TC2N: variants seen among roughly 807,000 people sequenced by gnomAD.
TC2N encodes the protein tandem C2 domains nuclear protein.
A neutral mutation model predicts 61.9 loss-of-function variants in TC2N; 51 were observed. That is an observed-to-expected ratio of 0.82 (90% CI 0.66 to 1.04). TC2N has a LOEUF of 1.04. Among genes scored for constraint, TC2N ranks in the 50% least tolerant of loss-of-function variants. The pLI, the probability that TC2N is intolerant of heterozygous loss-of-function variation, is 0.00. For synonymous variants in TC2N, 204 were observed against 192.6 expected (o/e 1.06, Z -0.49); for missense variants, 556 against 566.7 (o/e 0.98, Z 0.19).
In TC2N at chr14:91,783,214, T is replaced by TA. The variant is rs1885208985; in HGVS notation, c.1363-5dup. 1 of 1,509,982 alleles carries TA rather than the reference T, an allele frequency of 6.6e-7. No individual in the cohort carries two copies. The highest frequency in any genetic ancestry group is 9.2e-7 in the Non-Finnish European group (1 of 1,087,898). The allele number at this position is 1,509,982 out of a possible 1,614,324, so 93.5% of individuals were successfully genotyped here. ...TACTGTCTTCACTTATCCAAATCTG[T>TA]AAAGGAAAGTATGTACAATCATTTA... On this transcript the variant is annotated splice_region_variant and splice_polypyrimidine_tract_variant and intron_variant, in intron 11 of 11. Coordinates refer to ENST00000435962, the MANE Select transcript of TC2N (RefSeq NM_001128596.3).
At chr14:91,831,724 T>G (rs185021757) in intron 1 of TC2N, among the ~76,000 whole-genome samples, 1 of 152,266 alleles carries the variant, frequency 6.6e-6, no homozygotes, top group African/African-American at 2.4e-5. Context: ...CTACATGGAT[T>G]AAGGACACAA....
In TC2N at chr14:91,780,486, T is replaced by C. The variant is rs538423372; in HGVS notation, c.*2614A>G. The C allele has an allele frequency of 6.6e-6, 1 of 152,360 alleles. No individual in the cohort carries two copies. The highest frequency in any genetic ancestry group is 1.9e-4 in the East Asian group (1 of 5,196). The allele number at this position is 152,360 out of a possible 1,614,324, so 9.4% of individuals were successfully genotyped here. On this transcript the variant is annotated 3_prime_UTR_variant, in exon 12 of 12. Transcript: ENST00000435962. ...TCAGAGGCCATTTCCCTAGGAGTAC[T>C]GCTTTTAAAAATCATGCAAAACAAA...
At chr14:91,829,208 C>A (rs1455777202) in intron 1 of TC2N, among the ~76,000 whole-genome samples, 1 of 151,956 alleles carries the variant, frequency 6.6e-6, no homozygotes, top group Non-Finnish European at 1.5e-5. Context: ...TGGTGTCTTT[C>A]CTCAGTACTG....
At chr14:91,854,932 A>T (rs1888453805) in intron 1 of TC2N, among the ~76,000 whole-genome samples, 1 of 152,202 alleles carries the variant, frequency 6.6e-6, no homozygotes, top group African/African-American at 2.4e-5. Flanking sequence ...TTCTGAGAGG[A>T]GGCTGCTATT....
intron 8 of TC2N, among the ~76,000 whole-genome samples, chr14:91,793,893 A>C: frequency 6.6e-6 from 1 of 152,222 alleles, no homozygotes; most frequent in Non-Finnish European, 1.5e-5. Context: ...TTAGTGAGGA[A>C]GCTATGCTGA....
Position 91,812,366 on chromosome 14 carries a change from A to T in TC2N, c.247T>A (p.Ser83Thr), listed in dbSNP as rs1886813901. The change falls in exon 3 of 12, where the codon TCT becomes ACT. Residue 83 changes from serine to threonine, a missense_variant. Physicochemically the swap from Ser to Thr is moderately conservative, Grantham distance 58 (BLOSUM62 1). Coordinates refer to ENST00000435962, the MANE Select transcript of TC2N (RefSeq NM_001128596.3). ...TCTTGTGTCCTGGGTTGAATGTAAG[A>T]TAACTTAAACTTGGGCACCACAAAT... ...VPFVVPKFKL[S>T]YIQPRTQETP... 6.2e-7 allele frequency: 1 copy of T among 1,612,688 alleles called. No homozygotes were observed. Among genetic ancestry groups the T allele is most frequent in the Non-Finnish European group, 8.5e-7 (1 of 1,179,092 alleles).
intron 1 of TC2N, among the ~76,000 whole-genome samples, chr14:91,856,100 G>A (rs1448558458): frequency 2.0e-5 from 3 of 152,132 alleles, no homozygotes; most frequent in Non-Finnish European, 4.4e-5. Context: ...AGACAGATGA[G>A]TTTTTGAAGA....
intron 1 of TC2N, among the ~76,000 whole-genome samples, chr14:91,827,422 T>C (rs1483084938): frequency 6.6e-6 from 1 of 152,200 alleles, no homozygotes; most frequent in East Asian, 1.9e-4. Context: ...AGAAGAAACC[T>C]GCATTCCTTG....
rs530321082 is a variant in TC2N at position 91,798,284 on chromosome 14, A to G, written c.738+15T>C. 4 of 1,323,776 alleles carry G rather than the reference A, an allele frequency of 3.0e-6. No homozygotes were observed. The East Asian group carries it at 7.2e-5, about 24-fold the overall frequency. The allele number at this position is 1,323,776 out of a possible 1,614,324, so 82.0% of individuals were successfully genotyped here. A position where few individuals can be genotyped will look rare whatever the true frequency, so the allele number is the denominator to read the frequency against. On this transcript the variant is annotated intron_variant, in intron 7 of 11. Transcript: ENST00000435962. ...AATTTTGTAATAAAAGCTGGTATTA[A>G]CTATACTAATTTACCTGTAAAACTG... is the stretch of plus-strand genomic sequence containing the variant.
Position 91,812,440 on chromosome 14 carries a change from G to A in TC2N, c.173C>T (p.Thr58Ile). 4 of 1,612,038 alleles carry A rather than the reference G, an allele frequency of 2.5e-6. No homozygotes were observed. The highest frequency in any genetic ancestry group is 3.4e-6 in the Non-Finnish European group (4 of 1,178,570). ...TAATTTGGAAAGCAAATAATCCTCA[G>A]TACAGCCAAGCTGAGGCTTTACAGA... is the stretch of plus-strand genomic sequence containing the variant. The part of the protein sequence containing the change: ...SVSVKPQLGC[T>I]EDYLLSKLPS... Residue 58 changes from threonine (T) to isoleucine (I), a missense_variant, in exon 3 of 12, where the codon ACT becomes ATT. Coordinates refer to ENST00000435962, the MANE Select transcript of TC2N (RefSeq NM_001128596.3).
chr14:91,862,669 G>A (rs550927333), intron 1 of TC2N, among the ~76,000 whole-genome samples: 11 of 152,316 alleles, frequency 7.2e-5, no homozygotes, highest in African/African-American at 9.6e-5. Context: ...TCCTCCCTGC[G>A]GCCTGCCCCA....
At chr14:91,840,899 TGA>T (rs1374480513) in intron 1 of TC2N, among the ~76,000 whole-genome samples, 1 of 152,092 alleles carries the variant, frequency 6.6e-6, no homozygotes, top group East Asian at 1.9e-4. Flanking sequence ...GAACTAATCA[TGA>T]GAGTCTCATT....
rs376362787 is a variant in TC2N at position 91,792,552 on chromosome 14, C to A, written c.862G>T (p.Glu288Ter). Reference protein sequence around the residue: ...SSAKEGSNAIEFMETFVFAIK... With the variant: ...SSAKEGSNAI ...GCAAATACAAACGTTTCCATAAATT[C>A]AATAGCCTTAAAAAAAAAACAAGAA... Residue 288 changes from glutamate to a stop codon, truncating the protein, a stop_gained, in exon 9 of 12, where the codon GAA becomes TAA. Transcript: ENST00000435962. LOFTEE classifies it high-confidence loss of function. The A allele has an allele frequency of 2.4e-5, 35 of 1,483,560 alleles. No individual in the cohort carries two copies. Among genetic ancestry groups the A allele is most frequent in the Non-Finnish European group, 3.1e-5 (34 of 1,096,266 alleles). 91.9% of individuals were successfully genotyped at this position (1,483,560 alleles called of 1,614,324 possible). A position where few individuals can be genotyped will look rare whatever the true frequency, so the allele number is the denominator to read the frequency against.
At chr14:91,783,403 C>T (rs1454587454) in intron 11 of TC2N, among the ~76,000 whole-genome samples, 193 bp from the exon 12 acceptor site, 1 of 151,998 alleles carries the variant, frequency 6.6e-6, no homozygotes, top group Admixed American at 6.6e-5. Flanking sequence ...ATTTAACCTG[C>T]TTAGTCATTC....
rs1470167994 is a variant in TC2N, at chr14:91,798,290, C to T, written c.738+9G>A. Reference sequence around the variant, plus strand: ...GTAATAAAAGCTGGTATTAACTATACTAATTTACCTGTAAAACTGTGATCC... The same window carrying T: ...GTAATAAAAGCTGGTATTAACTATATTAATTTACCTGTAAAACTGTGATCC... On this transcript the variant is annotated intron_variant, in intron 7 of 11. Transcript: ENST00000435962. 7.2e-7 allele frequency: 1 copy of T among 1,392,022 alleles called. No individual in the cohort carries two copies. The highest frequency in any genetic ancestry group is 1.0e-6 in the Non-Finnish European group (1 of 1,004,010). The allele number at this position is 1,392,022 out of a possible 1,614,324, so 86.2% of individuals were successfully genotyped here. A position where few individuals can be genotyped will look rare whatever the true frequency, so the allele number is the denominator to read the frequency against.
At chr14:91,853,856 C>G (rs553056845) in intron 1 of TC2N, among the ~76,000 whole-genome samples, 2 of 151,800 alleles carry the variant, frequency 1.3e-5, no homozygotes, top group South Asian at 4.2e-4. Context: ...TGTTAAACAT[C>G]TGGGATCTGG....
chr14:91,787,703 G>A, intron 9 of TC2N, 76 bp from the exon 10 acceptor site: 1 of 815,314 alleles, frequency 1.2e-6, no homozygotes, highest in Non-Finnish European at 2.0e-6. Flanking sequence ...AAGATAAAAA[G>A]CTAAGGTTAG....
At chr14:91,834,905 G>C (rs192618007) in intron 1 of TC2N, among the ~76,000 whole-genome samples, 3 of 152,184 alleles carry the variant, frequency 2.0e-5, no homozygotes, top group Admixed American at 2.0e-4. Context: ...CACCCTTACA[G>C]GATTAACCAC....
intron 1 of TC2N, among the ~76,000 whole-genome samples, chr14:91,858,152 C>CTT (rs56379239): frequency 0.048 from 4,467 of 92,322 alleles, 276 homozygotes; most frequent in African/African-American, 0.13. Flanking sequence ...TCTTCTTCTT[C>CTT]TTTTTTTTTT....
Sources: gnomAD v4.1 joint callset for allele counts (sites outside exome capture counted in the v4.1 genomes callset) on GRCh38, gnomAD v4.1.1 for gene constraint, MANE v1.5 for transcripts, NCBI Gene and HGNC (gene_info 2026-07-23, HGNC 2026-07-21) for gene names.